Variants in RBM20 observed in about 807,000 individuals in gnomAD.
The protein encoded by RBM20 is RNA-binding protein 20.
Under a neutral mutation model 110.1 loss-of-function variants are expected in RBM20, and 51 were observed. The observed-to-expected ratio is 0.46, with a 90% confidence interval of 0.37 to 0.59. The LOEUF (loss-of-function observed/expected upper bound fraction) is 0.59. RBM20 is among the 20% of genes least tolerant of loss of function. The probability of loss-of-function intolerance (pLI) is 0.00; values close to 1 mark genes in which losing one functional copy is unlikely to be tolerated. For synonymous variants in RBM20, 589 were observed against 618.2 expected (o/e 0.95, Z 0.70); for missense variants, 1,512 against 1,574.9 (o/e 0.96, Z 0.68).
chr10:110,698,315 C>A (rs924537367), intron 1 of RBM20, among the ~76,000 whole-genome samples: 2 of 152,172 alleles, frequency 1.3e-5, no homozygotes, highest in African/African-American at 4.8e-5. Context: ...TGGCAGATAC[C>A]CAGGACACAC....
intron 5 of RBM20, among the ~76,000 whole-genome samples, chr10:110,787,647 T>C (rs1844435948): frequency 6.6e-6 from 1 of 152,204 alleles, no homozygotes. Flanking sequence ...AGCTATCTGA[T>C]GATTTGTGTG....
At chr10:110,700,146 G>C (rs1023130093) in intron 1 of RBM20, among the ~76,000 whole-genome samples, 1 of 152,118 alleles carries the variant, frequency 6.6e-6, no homozygotes, top group African/African-American at 2.4e-5. Flanking sequence ...TGTGGGTAAG[G>C]GGGGACTACT....
At chr10:110,769,711 T>A (rs1346049242) in intron 1 of RBM20, among the ~76,000 whole-genome samples, 1 of 152,150 alleles carries the variant, frequency 6.6e-6, no homozygotes, top group South Asian at 2.1e-4. Flanking sequence ...CAATTCCTGA[T>A]AACTCACTAT....
At chr10:110,664,384 A>T (rs1407286407) in intron 1 of RBM20, among the ~76,000 whole-genome samples, 1 of 152,260 alleles carries the variant, frequency 6.6e-6, no homozygotes, top group Non-Finnish European at 1.5e-5. Context: ...GGGCATTAAA[A>T]ATAATAACTA....
Position 110,687,408 on chromosome 10 carries a change from T to C in RBM20, c.191+42763T>C, listed in dbSNP as rs533677834. On this transcript the variant is annotated intron_variant, in intron 1 of 13. Transcript: ENST00000369519. The stretch of plus-strand genomic sequence containing the variant: ...AACACTTAACTTGTATTTATGGTCA[T>C]TGATGATTTTACGCATTATTAGAGA... Among the ~76,000 whole-genome samples, 37 of 152,340 alleles carry C rather than the reference T, an allele frequency of 2.4e-4. No homozygotes were observed. The South Asian group carries it at 5.8e-3, about 24-fold the overall frequency.
chr10:110,832,029 T>A (rs1462579233), intron 13 of RBM20, among the ~76,000 whole-genome samples: 2 of 152,200 alleles, frequency 1.3e-5, no homozygotes, highest in African/African-American at 4.8e-5. Flanking sequence ...AACTGTAAAA[T>A]GAATTTTTAT....
At chr10:110,731,014 T>C (rs1178762331) in intron 1 of RBM20, among the ~76,000 whole-genome samples, 3 of 152,244 alleles carry the variant, frequency 2.0e-5, no homozygotes, top group Non-Finnish European at 4.4e-5. Context: ...GTGTAACTTA[T>C]ATGCTTTGTC....
intron 12 of RBM20, among the ~76,000 whole-genome samples, chr10:110,823,907 T>G (rs1004723157): frequency 1.3e-5 from 2 of 151,546 alleles, no homozygotes; most frequent in African/African-American, 4.8e-5. Flanking sequence ...TTTTTTTTTT[T>G]GCAGAGATGG....
chr10:110,655,262 C>T (rs1298018072), intron 1 of RBM20, among the ~76,000 whole-genome samples: 2 of 137,348 alleles, frequency 1.5e-5, no homozygotes, highest in Non-Finnish European at 1.6e-5. Flanking sequence ...TTCCTGTTTC[C>T]GTCCCCCACC....
chr10:110,745,577 AG>A (rs57088826), intron 1 of RBM20, among the ~76,000 whole-genome samples: 52,263 of 151,956 alleles, frequency 0.34, 9,921 homozygotes, highest in East Asian at 0.51. Flanking sequence ...TGACTAACTT[AG>A]CCCCTTGTCT....
intron 1 of RBM20, among the ~76,000 whole-genome samples, chr10:110,660,415 C>A (rs1269400332): frequency 6.6e-6 from 1 of 152,160 alleles, no homozygotes; most frequent in Non-Finnish European, 1.5e-5. Flanking sequence ...ATAAGGATCC[C>A]CAACCCCCAG....
intron 5 of RBM20, among the ~76,000 whole-genome samples, chr10:110,793,017 G>A (rs946473599): frequency 7.2e-5 from 11 of 152,160 alleles, no homozygotes; most frequent in African/African-American, 2.4e-4. Context: ...GGTTTAGCTT[G>A]TCAAGGCATC....
Position 110,809,218 on chromosome 10 carries a change from T to TAAAAAAAAAAAAAAAAAAAAAAAAAAAAA in RBM20, c.1801-1151_1801-1150insAAAAAAAAAAAAAAAAAAAAAAAAAAAAA, listed in dbSNP as rs60697105. On this transcript the variant is annotated intron_variant, in intron 7 of 13. Transcript: ENST00000369519. ...AGTGACAGAGCAAGACCCCGTTTCT[T>TAAAAAAAAAAAAAAAAAAAAAAAAAAAAA]AAAAAAAAAAAAAATTGCATGATTC... is the stretch of plus-strand genomic sequence containing the variant. Among the ~76,000 whole-genome samples, 14 of 60,706 alleles carry TAAAAAAAAAAAAAAAAAAAAAAAAAAAAA rather than the reference T, an allele frequency of 2.3e-4. 1 individual carries two copies. Among genetic ancestry groups the TAAAAAAAAAAAAAAAAAAAAAAAAAAAAA allele is most frequent in the East Asian group, 8.0e-4 (1 of 1,248 alleles). 39.8% of individuals were successfully genotyped at this position (60,706 alleles called of 152,430 possible).
chr10:110,771,143 A>AT (rs869263291), intron 1 of RBM20, among the ~76,000 whole-genome samples: 2 of 151,634 alleles, frequency 1.3e-5, no homozygotes, highest in Non-Finnish European at 2.9e-5. Flanking sequence ...CCATGGATAA[A>AT]TTTTTTTTTG....
At chr10:110,766,295 C>A (rs1036768913) in intron 1 of RBM20, among the ~76,000 whole-genome samples, 1 of 151,542 alleles carries the variant, frequency 6.6e-6, no homozygotes, top group East Asian at 1.9e-4. Context: ...TCTTTTAGCT[C>A]TACTCTGCAG....
At position 110,730,603 on chromosome 10, in the gene RBM20, A is replaced by T. The variant is rs563451892; in HGVS notation, c.192-50198A>T. 3.3e-5 allele frequency among the ~76,000 whole-genome samples: 5 copies of T among 152,366 alleles called. No homozygotes were observed. The South Asian group carries it at 1.0e-3, about 32-fold the overall frequency. Reference sequence around the variant, plus strand: ...CAAGCTTTAAGTTGCTAGGAACTTCATCTGTAAAATGGGCAGAATGCCCAG... The same window carrying T: ...CAAGCTTTAAGTTGCTAGGAACTTCTTCTGTAAAATGGGCAGAATGCCCAG... On this transcript the variant is annotated intron_variant, in intron 1 of 13. Transcript: ENST00000369519.
At position 110,838,151 on chromosome 10, in the gene RBM20, C is replaced by T. The variant is rs1255556159; in HGVS notation, c.*2173C>T. 1 of 152,170 alleles carries T rather than the reference C, an allele frequency of 6.6e-6. No individual in the cohort carries two copies. Among genetic ancestry groups the T allele is most frequent in the Non-Finnish European group, 1.5e-5 (1 of 68,034 alleles). The allele number at this position is 152,170 out of a possible 1,614,324, so 9.4% of individuals were successfully genotyped here. On this transcript the variant is annotated 3_prime_UTR_variant, in exon 14 of 14. Coordinates refer to ENST00000369519, the MANE Select transcript of RBM20 (RefSeq NM_001134363.3). ...GTTCTTTGTGTCTGCTTTCCTCAGC[C>T]CTTTTCTGTCTATAAAGCCAACCTC... is the stretch of plus-strand genomic sequence containing the variant.
At chr10:110,711,428 A>G (rs987557507) in intron 1 of RBM20, among the ~76,000 whole-genome samples, 1 of 151,954 alleles carries the variant, frequency 6.6e-6, no homozygotes, top group African/African-American at 2.4e-5. Flanking sequence ...CACCACTGCA[A>G]TAGCTCTTGC....
Position 110,804,155 on chromosome 10 carries a change from T to C in RBM20, c.1800+4237T>C, listed in dbSNP as rs190933446. Among the ~76,000 whole-genome samples, 4 of 152,360 alleles carry C rather than the reference T, an allele frequency of 2.6e-5. No homozygotes were observed. In the East Asian group the frequency reaches 7.7e-4, roughly 29 times the overall value. ...ACTTTTGAGAGAGAGTCGCTCTGAC[T>C]GGACTAGCTTAGCACAGGTGCACAT... On this transcript the variant is annotated intron_variant, in intron 7 of 13. Transcript: ENST00000369519.
Sources: gnomAD v4.1 joint callset for allele counts (sites outside exome capture counted in the v4.1 genomes callset) on GRCh38, gnomAD v4.1.1 for gene constraint, MANE v1.5 for transcripts, NCBI Gene and HGNC (gene_info 2026-07-23, HGNC 2026-07-21) for gene names.